The following RPS6KA5 variants were observed in gnomAD, a reference collection of about 807,000 sequenced individuals.
RPS6KA5 encodes ribosomal protein S6 kinase A5.
A neutral mutation model predicts 85.5 loss-of-function variants in RPS6KA5; 27 were observed. That is an observed-to-expected ratio of 0.32 (90% CI 0.23 to 0.44). The LOEUF is 0.44. Among genes scored for constraint, RPS6KA5 ranks in the 20% least tolerant of loss-of-function variants. The pLI, the probability that RPS6KA5 is intolerant of heterozygous loss-of-function variation, is 1.00. For missense variants in RPS6KA5, 811 were observed against 980.9 expected, an observed-to-expected ratio of 0.83 and a Z score of 2.31; for synonymous variants, 334 against 348.2, an observed-to-expected ratio of 0.96 and a Z score of 0.46.
At chr14:90,936,407 T>C (rs2037258152) in intron 5 of RPS6KA5, among the ~76,000 whole-genome samples, 3 of 151,826 alleles carry the variant, frequency 2.0e-5, no homozygotes, top group Admixed American at 2.0e-4. Flanking sequence ...CTGCAAAAAA[T>C]ACAAAAATTA....
chr14:90,908,462 G>T (rs539030614), intron 7 of RPS6KA5, among the ~76,000 whole-genome samples: 1 of 152,244 alleles, frequency 6.6e-6, no homozygotes, highest in Non-Finnish European at 1.5e-5. Context: ...GGAGTATCTT[G>T]CCCCACCCTG....
chr14:90,968,975 T>A (rs976911144), intron 3 of RPS6KA5, among the ~76,000 whole-genome samples: 1 of 152,244 alleles, frequency 6.6e-6, no homozygotes, highest in East Asian at 1.9e-4. Flanking sequence ...ACATAATTTA[T>A]GCAGATATTT....
chr14:90,922,983 A>T (rs2036480408), intron 6 of RPS6KA5, 130 bp downstream of exon 6: 4 of 637,022 alleles, frequency 6.3e-6, no homozygotes, highest in Non-Finnish European at 1.1e-5. Flanking sequence ...AGCAAAAGAG[A>T]AAAAAAGGAA....
chr14:90,947,491 G>T lies in RPS6KA5; in HGVS notation c.454C>A (p.His152Asn). Reference protein sequence around the residue: ...HLSQRERFTEHEVQIYVGEIV... With the variant: ...HLSQRERFTENEVQIYVGEIV... ...TCTCCAACATAAATCTGCACCTCAT[G>T]CTCTGTGAAACGCTCTCTTTGAGAA... Residue 152 changes from histidine (H) to asparagine (N), a missense_variant, in exon 4 of 17, where the codon CAT (histidine) becomes AAT (asparagine). Transcript: ENST00000614987. 1 of 1,612,828 alleles carries T rather than the reference G, an allele frequency of 6.2e-7. No homozygotes were observed. The highest frequency in any genetic ancestry group is 8.5e-7 in the Non-Finnish European group (1 of 1,178,920).
intron 1 of RPS6KA5, among the ~76,000 whole-genome samples, chr14:91,048,426 T>C (rs1180592835): frequency 1.3e-5 from 2 of 152,062 alleles, no homozygotes; most frequent in African/African-American, 2.4e-5. Context: ...CCCCAAGCAC[T>C]ATACTAAAAA....
intron 1 of RPS6KA5, among the ~76,000 whole-genome samples, chr14:91,032,854 C>G (rs1344493168): frequency 6.6e-6 from 1 of 151,960 alleles, no homozygotes; most frequent in Non-Finnish European, 1.5e-5. Context: ...CAAAAGAAAT[C>G]TAAACAGCCA....
At chr14:90,934,862 C>A (rs1213116871) in intron 5 of RPS6KA5, among the ~76,000 whole-genome samples, 1 of 152,106 alleles carries the variant, frequency 6.6e-6, no homozygotes, top group Non-Finnish European at 1.5e-5. Flanking sequence ...GTGTTGGCAT[C>A]TGAATATTGT....
Position 90,869,371 on chromosome 14 carries a change from T to C in RPS6KA5, c.*2703A>G, listed in dbSNP as rs2032954830. 6.6e-6 allele frequency: 1 copy of C among 152,206 alleles called. No homozygotes were observed. Among genetic ancestry groups the C allele is most frequent in the Admixed American group, 6.5e-5 (1 of 15,278 alleles). 9.4% of individuals were successfully genotyped at this position (152,206 alleles called of 1,614,324 possible). ...ATTAACCTCTTTCAGACACACGATC[T>C]GGCAGAGTAATTAGAAGAAACTGGT... On this transcript the variant is annotated 3_prime_UTR_variant, in exon 17 of 17. Coordinates refer to ENST00000614987, the MANE Select transcript of RPS6KA5 (RefSeq NM_004755.4).
chr14:91,025,886 G>A (rs1033544679), intron 1 of RPS6KA5, among the ~76,000 whole-genome samples: 11 of 151,746 alleles, frequency 7.2e-5, no homozygotes, highest in African/African-American at 2.2e-4. Flanking sequence ...GTGTGGGTTC[G>A]TTATGAGTTA....
Position 90,947,563 on chromosome 14 carries a change from T to C in RPS6KA5, c.395-13A>G. ...CCATTTATATAATCTAAAAATGAAA[T>C]ACATTTTTCTTTCTTAAACATGCAT... On this transcript the variant is annotated splice_polypyrimidine_tract_variant and intron_variant, in intron 3 of 16. Coordinates refer to ENST00000614987, the MANE Select transcript of RPS6KA5 (RefSeq NM_004755.4). The C allele has an allele frequency of 6.9e-7, 1 of 1,449,494 alleles. No homozygotes were observed. 89.8% of individuals were successfully genotyped at this position (1,449,494 alleles called of 1,614,324 possible).
chr14:90,963,635 A>G (rs1227250966), intron 3 of RPS6KA5, among the ~76,000 whole-genome samples: 10 of 152,122 alleles, frequency 6.6e-5, no homozygotes, highest in Admixed American at 6.6e-4. Flanking sequence ...CTTTATTTTA[A>G]TATCACCACC....
intron 5 of RPS6KA5, among the ~76,000 whole-genome samples, chr14:90,940,993 T>C (rs556221546): frequency 1.3e-5 from 2 of 152,212 alleles, no homozygotes; most frequent in South Asian, 2.1e-4. Flanking sequence ...GCCAAAAAAG[T>C]TGGGGACTGC....
At chr14:90,993,966 G>A (rs1334600051) in intron 2 of RPS6KA5, among the ~76,000 whole-genome samples, 2 of 150,760 alleles carry the variant, frequency 1.3e-5, no homozygotes, top group Admixed American at 6.6e-5. Flanking sequence ...ATAACTCACC[G>A]TGGCCTTAAC....
At chr14:90,898,643 T>C (rs781088983) in intron 12 of RPS6KA5, among the ~76,000 whole-genome samples, 20 of 152,182 alleles carry the variant, frequency 1.3e-4, no homozygotes, top group African/African-American at 3.1e-4. Context: ...TGCCTCCAAG[T>C]TGTCTTAAGT....
intron 1 of RPS6KA5, 34 bp from the exon 2 acceptor site, chr14:91,001,193 G>A: frequency 1.4e-6 from 2 of 1,426,572 alleles, no homozygotes; most frequent in African/African-American, 1.4e-5. Context: ...AAAAACAAGA[G>A]GGTCAGCAAT....
At chr14:91,016,788 C>T (rs2041516622) in intron 1 of RPS6KA5, among the ~76,000 whole-genome samples, 1 of 147,012 alleles carries the variant, frequency 6.8e-6, no homozygotes, top group Non-Finnish European at 1.5e-5. Context: ...TGGTCAGGGA[C>T]TTAGAAGGAA....
chr14:90,925,293 G>A (rs954277500), intron 5 of RPS6KA5, among the ~76,000 whole-genome samples: 1 of 152,102 alleles, frequency 6.6e-6, no homozygotes, highest in Non-Finnish European at 1.5e-5. Flanking sequence ...CAAATGAGAT[G>A]GGCTAGAATT....
rs556594542 is a variant in RPS6KA5 at position 91,049,353 on chromosome 14, G to A, written c.103+10979C>T. 4.0e-4 allele frequency among the ~76,000 whole-genome samples: 61 copies of A among 152,288 alleles called. 1 individual carries two copies. The highest frequency in any genetic ancestry group is 3.4e-3 in the Middle Eastern group (1 of 294). ...AAGTCGGCCGGGCGCGGTGGCTCAC[G>A]CCTGTAATCCCACCACTTTGGGAGG... On this transcript the variant is annotated intron_variant, in intron 1 of 16. Transcript: ENST00000614987.
At chr14:90,879,969 A>C (rs2033731001) in intron 14 of RPS6KA5, among the ~76,000 whole-genome samples, 1 of 151,690 alleles carries the variant, frequency 6.6e-6, no homozygotes. Context: ...TTTTTAGTAG[A>C]GGTGGGGTTT....
Sources: gnomAD v4.1 joint callset for allele counts (sites outside exome capture counted in the v4.1 genomes callset) on GRCh38, gnomAD v4.1.1 for gene constraint, MANE v1.5 for transcripts, NCBI Gene and HGNC (gene_info 2026-07-23, HGNC 2026-07-21) for gene names.